ASTN2: variants seen among roughly 807,000 people sequenced by gnomAD.
ASTN2 encodes astrotactin-2.
ASTN2 carries 54 observed loss-of-function variants against 139.8 expected under a neutral mutation model. That is an observed-to-expected ratio of 0.39 (90% CI 0.31 to 0.48). The LOEUF is 0.48. Among genes scored for constraint, ASTN2 ranks in the 20% least tolerant of loss-of-function variants. The pLI, the probability that ASTN2 is intolerant of heterozygous loss-of-function variation, is 0.95. For synonymous variants in ASTN2, 756 were observed against 719.5 expected (o/e 1.05, Z -0.81); for missense variants, 1,565 against 1,725.1 (o/e 0.91, Z 1.64).
At chr9:116,963,011 T>C (rs910621872) in intron 10 of ASTN2, among the ~76,000 whole-genome samples, 1 of 152,194 alleles carries the variant, frequency 6.6e-6, no homozygotes, top group Non-Finnish European at 1.5e-5. Flanking sequence ...GGGAATACAA[T>C]GATGTTAAGA....
intron 6 of ASTN2, among the ~76,000 whole-genome samples, chr9:117,010,483 TAAAG>T (rs774525180): frequency 3.2e-4 from 49 of 152,274 alleles, no homozygotes; most frequent in South Asian, 8.3e-4. Flanking sequence ...AGTGCAGTGA[TAAAG>T]AGAATAGAAT....
At chr9:116,618,759 C>T (rs1855979730) in intron 18 of ASTN2, among the ~76,000 whole-genome samples, 1 of 152,174 alleles carries the variant, frequency 6.6e-6, no homozygotes. Flanking sequence ...TATCAGTTTT[C>T]CATATATTTA....
intron 5 of ASTN2, among the ~76,000 whole-genome samples, chr9:117,053,935 C>G (rs529584574): frequency 2.0e-5 from 3 of 151,710 alleles, no homozygotes; most frequent in African/African-American, 7.3e-5. Flanking sequence ...AGACCACTAA[C>G]ATTTTAGCAA....
intron 2 of ASTN2, among the ~76,000 whole-genome samples, chr9:117,279,933 G>C (rs1002804667): frequency 1.3e-5 from 2 of 151,946 alleles, no homozygotes; most frequent in African/African-American, 4.8e-5. Context: ...TCTCTCATAA[G>C]GACTAATTTT....
intron 7 of ASTN2, among the ~76,000 whole-genome samples, chr9:117,000,044 T>C (rs12348744): frequency 0.15 from 23,121 of 152,132 alleles, 2,161 homozygotes; most frequent in African/African-American, 0.26. Context: ...GGATTAAACG[T>C]CTCATGAAAT....
chr9:117,306,709 C>G (rs1388615679), intron 1 of ASTN2, among the ~76,000 whole-genome samples: 2 of 152,170 alleles, frequency 1.3e-5, no homozygotes, highest in African/African-American at 4.8e-5. Context: ...CAAGTCTCAG[C>G]TCTATTATTT....
Position 117,161,120 on chromosome 9 carries a change from CT to C in ASTN2, c.1016-19643del, listed in dbSNP as rs1830541136. Among the ~76,000 whole-genome samples the C allele has an allele frequency of 1.3e-5, 2 of 151,952 alleles. 1 individual carries two copies. Among genetic ancestry groups the C allele is most frequent in the South Asian group, 4.2e-4 (2 of 4,808 alleles). On this transcript the variant is annotated intron_variant, in intron 3 of 22. Coordinates refer to ENST00000313400, the MANE Select transcript of ASTN2 (RefSeq NM_001365068.1). ...TAGACTGCCAGAATATCTCAAGTCTCTGAGATAACATGTTAAAGCATCTGAC... is the reference window on the plus strand; with the variant it reads ...TAGACTGCCAGAATATCTCAAGTCTCGAGATAACATGTTAAAGCATCTGAC...
chr9:117,333,379 A>C (rs1053561497), intron 1 of ASTN2, among the ~76,000 whole-genome samples: 3 of 152,158 alleles, frequency 2.0e-5, no homozygotes, highest in Non-Finnish European at 4.4e-5. Flanking sequence ...AGGAAAAAAA[A>C]CCTGATTTTT....
chr9:116,666,057 A>T (rs1252045817), intron 16 of ASTN2, among the ~76,000 whole-genome samples: 1 of 152,222 alleles, frequency 6.6e-6, no homozygotes, highest in African/African-American at 2.4e-5. Context: ...TCACAAAATT[A>T]CCATTTCATA....
intron 20 of ASTN2, among the ~76,000 whole-genome samples, chr9:116,463,798 A>G (rs888454473): frequency 6.6e-5 from 10 of 151,886 alleles, no homozygotes; most frequent in African/African-American, 2.2e-4. Flanking sequence ...GCTGCATGTT[A>G]TCTGTCTGTT....
chr9:116,720,387 G>C (rs1016048413), intron 16 of ASTN2, among the ~76,000 whole-genome samples: 2 of 152,200 alleles, frequency 1.3e-5, no homozygotes, highest in African/African-American at 4.8e-5. Context: ...ACTTCACATA[G>C]AGAATGTCCT....
intron 7 of ASTN2, among the ~76,000 whole-genome samples, chr9:116,996,809 G>A (rs989547981): frequency 7.2e-5 from 11 of 151,730 alleles, no homozygotes; most frequent in South Asian, 4.2e-4. Context: ...TATATTTATT[G>A]TAAGGTTTTG....
intron 1 of ASTN2, among the ~76,000 whole-genome samples, chr9:117,371,598 T>A (rs942099005): frequency 6.6e-6 from 1 of 152,142 alleles, no homozygotes; most frequent in Non-Finnish European, 1.5e-5. Flanking sequence ...GCTCAGAATC[T>A]CCTTGTGCCT....
At chr9:117,049,267 A>C (rs1259954197) in intron 5 of ASTN2, among the ~76,000 whole-genome samples, 1 of 152,138 alleles carries the variant, frequency 6.6e-6, no homozygotes, top group African/African-American at 2.4e-5. Flanking sequence ...TGAAAAGAAA[A>C]TATTTCTATG....
At chr9:116,684,084 T>C (rs1157149927) in intron 16 of ASTN2, among the ~76,000 whole-genome samples, 2 of 152,136 alleles carry the variant, frequency 1.3e-5, no homozygotes, top group African/African-American at 2.4e-5. Flanking sequence ...CCAAGTTATT[T>C]TGGGACCTTG....
intron 4 of ASTN2, among the ~76,000 whole-genome samples, chr9:117,139,043 G>C (rs1202501568): frequency 6.6e-6 from 1 of 152,142 alleles, no homozygotes; most frequent in Non-Finnish European, 1.5e-5. Context: ...ATTCAGGTTG[G>C]TAATGAAGGG....
intron 10 of ASTN2, among the ~76,000 whole-genome samples, chr9:116,875,724 A>G (rs1406118451): frequency 6.6e-6 from 1 of 152,222 alleles, no homozygotes; most frequent in Non-Finnish European, 1.5e-5. Context: ...GTTGAAGCCA[A>G]TACTAGTTTA....
In ASTN2 at chr9:117,051,013, G is replaced by C. The variant is rs140741817; in HGVS notation, c.1277-11048C>G. 7.8e-3 allele frequency among the ~76,000 whole-genome samples: 1,191 copies of C among 152,234 alleles called. 12 individuals are homozygous for C. Among genetic ancestry groups the C allele is most frequent in the African/African-American group, 0.027 (1,104 of 41,520 alleles). ...GAGAACTCCCATCTCATAGAAGTCTGCCTTCACCATTGCAACTCACAAGAA... is the reference window on the plus strand; with the variant it reads ...GAGAACTCCCATCTCATAGAAGTCTCCCTTCACCATTGCAACTCACAAGAA... On this transcript the variant is annotated intron_variant, in intron 5 of 22. Transcript: ENST00000313400.
chr9:116,712,743 C>T (rs1564227119), intron 16 of ASTN2, among the ~76,000 whole-genome samples: 1 of 152,120 alleles, frequency 6.6e-6, no homozygotes, highest in South Asian at 2.1e-4. Context: ...AGACTCAACC[C>T]GAACTTTGTT....
Sources: allele counts gnomAD v4.1 joint callset (sites outside exome capture counted in the v4.1 genomes callset), GRCh38; gene constraint gnomAD v4.1.1; transcripts MANE v1.5; gene names NCBI Gene and HGNC (gene_info 2026-07-23, HGNC 2026-07-21).